The following XKR3 variants were observed in gnomAD, a reference collection of about 807,000 sequenced individuals.
XKR3 encodes the protein XK-related protein 3.
Under a neutral mutation model 40.3 loss-of-function variants are expected in XKR3, and 27 were observed. That is an observed-to-expected ratio of 0.67 (90% CI 0.49 to 0.92). The LOEUF is 0.92. Among genes scored for constraint, XKR3 ranks in the 40% least tolerant of loss-of-function variants. The pLI, the probability that XKR3 is intolerant of heterozygous loss-of-function variation, is 0.00. For missense variants in XKR3, 472 were observed against 537.6 expected, an observed-to-expected ratio of 0.88 and a Z score of 1.21; for synonymous variants, 193 against 195.4, an observed-to-expected ratio of 0.99 and a Z score of 0.10.
chr22:16,815,911 A>G (rs2060231344), intron 1 of XKR3, among the ~76,000 whole-genome samples: 1 of 151,984 alleles, frequency 6.6e-6, no homozygotes, highest in East Asian at 1.9e-4. Context: ...TTGATATTTC[A>G]TATTTTGCCT....
At chr22:16,803,014 A>C (rs1222288692) in intron 2 of XKR3, among the ~76,000 whole-genome samples, 2 of 152,128 alleles carry the variant, frequency 1.3e-5, no homozygotes, top group African/African-American at 4.8e-5. Context: ...TTAAGCTGTA[A>C]AGTTATGTTA....
chr22:16,824,217 T>C (rs921217447), intron 1 of XKR3, among the ~76,000 whole-genome samples: 14 of 151,982 alleles, frequency 9.2e-5, no homozygotes, highest in Admixed American at 9.2e-4. Context: ...AAGAGTACAA[T>C]GAAGTACCCA....
At chr22:16,793,578 A>G (rs1490200699) in intron 3 of XKR3, among the ~76,000 whole-genome samples, 9 of 152,170 alleles carry the variant, frequency 5.9e-5, no homozygotes, top group Admixed American at 1.3e-4. Context: ...GTGACCATAA[A>G]ACAGACCACC....
In XKR3 at chr22:16,784,375, A is replaced by G; in HGVS notation, c.624T>C (p.Thr208=). 6.2e-7 allele frequency: 1 copy of G among 1,606,540 alleles called. No individual in the cohort carries two copies. The highest frequency in any genetic ancestry group is 1.1e-5 in the South Asian group (1 of 89,280). Residue 208 remains threonine, a synonymous_variant, in exon 4 of 4, where the codon ACT becomes ACC. Coordinates refer to ENST00000684488, the MANE Select transcript of XKR3 (RefSeq NM_001386955.1). The part of the protein sequence containing the change: ...LLMTFSLLSV[T]YGAIRCNILA... The stretch of plus-strand genomic sequence containing the variant: ...GTATATTGCAGCGAATGGCCCCATA[A>G]GTAACTGATAACAGGGAAAATGTCA...
At chr22:16,791,810 AGAAAGAG>A (rs2060119970) in intron 3 of XKR3, among the ~76,000 whole-genome samples, 7 of 48,462 alleles carry the variant, frequency 1.4e-4, no homozygotes, top group African/African-American at 6.3e-4. Flanking sequence ...AGAGAGAGAG[AGAAAGAG>A]AGAGAGAGAG....
intron 1 of XKR3, among the ~76,000 whole-genome samples, chr22:16,820,382 A>G (rs1310133945): frequency 6.6e-6 from 1 of 152,160 alleles, no homozygotes; most frequent in Admixed American, 6.6e-5. Context: ...CTTGGCAGGG[A>G]AGTGTTCCTC....
chr22:16,789,694 GA>G (rs1158639611), intron 3 of XKR3, among the ~76,000 whole-genome samples: 1 of 151,770 alleles, frequency 6.6e-6, no homozygotes, highest in African/African-American at 2.4e-5. Context: ...TGAAACCGCA[GA>G]AAAAAAACCT....
intron 3 of XKR3, among the ~76,000 whole-genome samples, chr22:16,786,256 G>GTACACACACACA (rs111242471): frequency 6.7e-6 from 1 of 148,596 alleles, no homozygotes; most frequent in Non-Finnish European, 1.5e-5. Context: ...CAAAACGCGT[G>GTACACACACACA]CACACACACA....
chr22:16,796,671 C>T (rs1403486352), intron 3 of XKR3, among the ~76,000 whole-genome samples: 2 of 152,106 alleles, frequency 1.3e-5, no homozygotes, highest in African/African-American at 4.8e-5. Flanking sequence ...CATTAAGCAT[C>T]AAAAGAATGT....
intron 1 of XKR3, among the ~76,000 whole-genome samples, chr22:16,821,857 A>G (rs2891849): frequency 0.12 from 18,971 of 152,128 alleles, 1,470 homozygotes; most frequent in East Asian, 0.37. Flanking sequence ...TTTCAGTTCA[A>G]ACAAACTATG....
chr22:16,795,389 G>A (rs1258602353), intron 3 of XKR3, among the ~76,000 whole-genome samples: 1 of 151,966 alleles, frequency 6.6e-6, no homozygotes, highest in Non-Finnish European at 1.5e-5. Context: ...CAAATCTTTG[G>A]GATGCAGTCA....
chr22:16,820,512 C>T (rs1239269840), intron 1 of XKR3, among the ~76,000 whole-genome samples: 1 of 152,116 alleles, frequency 6.6e-6, no homozygotes, highest in Non-Finnish European at 1.5e-5. Flanking sequence ...GACCTGGGTG[C>T]TGCAGCTTCT....
At chr22:16,825,092 A>G (rs2060268400) in intron 1 of XKR3, among the ~76,000 whole-genome samples, 199 bp downstream of exon 1, 1 of 152,178 alleles carries the variant, frequency 6.6e-6, no homozygotes, top group African/African-American at 2.4e-5. Flanking sequence ...AGTAACAACC[A>G]CTGTCCCACC....
intron 1 of XKR3, among the ~76,000 whole-genome samples, chr22:16,822,031 G>A (rs1047967698): frequency 4.6e-5 from 7 of 151,930 alleles, no homozygotes; most frequent in Non-Finnish European, 8.8e-5. Context: ...TTTATCAAAT[G>A]GCTGTGATAG....
At chr22:16,799,339 G>A (rs568621404) in intron 3 of XKR3, among the ~76,000 whole-genome samples, 1 of 146,646 alleles carries the variant, frequency 6.8e-6, no homozygotes, top group South Asian at 2.2e-4. Context: ...GCGTGAACCT[G>A]GGAGGCGGAG....
At chr22:16,811,731 G>A (rs571176455) in intron 1 of XKR3, among the ~76,000 whole-genome samples, 5 of 152,064 alleles carry the variant, frequency 3.3e-5, no homozygotes, top group South Asian at 2.1e-4. Context: ...TAATATGGCC[G>A]GGCACGGTGG....
At chr22:16,796,990 A>T (rs2060143871) in intron 3 of XKR3, among the ~76,000 whole-genome samples, 1 of 152,208 alleles carries the variant, frequency 6.6e-6, no homozygotes, top group Non-Finnish European at 1.5e-5. Flanking sequence ...CCAAGAAAAC[A>T]GGTCAGGGAA....
At chr22:16,788,528 G>T (rs2060100703) in intron 3 of XKR3, among the ~76,000 whole-genome samples, 1 of 152,028 alleles carries the variant, frequency 6.6e-6, no homozygotes, top group African/African-American at 2.4e-5. Flanking sequence ...GGACCTGATA[G>T]ATTAACTGCT....
rs1008352785 is a variant in XKR3 at position 16,807,146 on chromosome 22, T to C, written c.335+593A>G. On this transcript the variant is annotated intron_variant, in intron 2 of 3. Coordinates refer to ENST00000684488, the MANE Select transcript of XKR3 (RefSeq NM_001386955.1). ...ATTTTATGTTTATTCACATATATAGTAACTAAGAATTTAGAACTATGAGTA... is the reference window on the plus strand; with the variant it reads ...ATTTTATGTTTATTCACATATATAGCAACTAAGAATTTAGAACTATGAGTA... Among the ~76,000 whole-genome samples the C allele has an allele frequency of 2.6e-5, 4 of 152,216 alleles. No individual in the cohort carries two copies. The East Asian group carries it at 7.7e-4, about 29-fold the overall frequency.
Sources: gnomAD v4.1 joint callset for allele counts (sites outside exome capture counted in the v4.1 genomes callset) on GRCh38, gnomAD v4.1.1 for gene constraint, MANE v1.5 for transcripts, NCBI Gene and HGNC (gene_info 2026-07-23, HGNC 2026-07-21) for gene names.